Variants in NCKAP5 observed in about 807,000 individuals in gnomAD.
NCKAP5 encodes NCK associated protein 5, also known as nck-associated protein 5.
Under a neutral mutation model 167.0 loss-of-function variants are expected in NCKAP5, and 92 were observed. That is an observed-to-expected ratio of 0.55 (90% confidence interval 0.47 to 0.66). NCKAP5 has a LOEUF of 0.66. Among genes scored for constraint, NCKAP5 ranks in the 30% least tolerant of loss-of-function variants. The pLI, the probability that NCKAP5 is intolerant of heterozygous loss-of-function variation, is 0.00. For synonymous variants in NCKAP5, 891 were observed against 877.4 expected (o/e 1.02, Z -0.27); for missense variants, 2,378 against 2,315.0 (o/e 1.03, Z -0.56).
chr2:133,421,712 G>A (rs1374900490), intron 3 of NCKAP5, among the ~76,000 whole-genome samples: 1 of 152,186 alleles, frequency 6.6e-6, no homozygotes, highest in Non-Finnish European at 1.5e-5. Flanking sequence ...ACCTCAGCTG[G>A]GTCATCAGGA....
the NCKAP5 span, among the ~76,000 whole-genome samples, chr2:133,592,960 A>C: frequency 6.6e-6 from 1 of 152,214 alleles, no homozygotes; most frequent in African/African-American, 2.4e-5. Context: ...CAAAGTATAA[A>C]GTTATCTTTG....
the NCKAP5 span, among the ~76,000 whole-genome samples, chr2:133,590,120 G>GTCC: frequency 1.8e-4 from 28 of 152,264 alleles, 1 homozygote; most frequent in East Asian, 5.4e-3. Context: ...CCCAAGGAGT[G>GTCC]TCCACTTGGC....
At chr2:133,262,048 T>C (rs546733798) in intron 4 of NCKAP5, among the ~76,000 whole-genome samples, 5 of 152,332 alleles carry the variant, frequency 3.3e-5, no homozygotes, top group East Asian at 1.9e-4. Context: ...TAAAAGACCA[T>C]AGCTGCTAAC....
At chr2:132,964,249 C>A (rs148416273) in intron 7 of NCKAP5, among the ~76,000 whole-genome samples, 121 of 152,306 alleles carry the variant, frequency 7.9e-4, no homozygotes, top group African/African-American at 2.7e-3. Flanking sequence ...CATAGCTCCT[C>A]AAGATAGGGT....
At chr2:133,367,014 A>G (rs1685495567) in intron 3 of NCKAP5, among the ~76,000 whole-genome samples, 1 of 152,204 alleles carries the variant, frequency 6.6e-6, no homozygotes, top group Non-Finnish European at 1.5e-5. Context: ...ACTTTAAGAC[A>G]AGTAGTCTCA....
chr2:133,620,630 A>G, the NCKAP5 span, among the ~76,000 whole-genome samples: 8 of 152,102 alleles, frequency 5.3e-5, no homozygotes, highest in Non-Finnish European at 1.2e-4. Flanking sequence ...AACAATTACT[A>G]CTAGACCTAA....
intron 16 of NCKAP5, among the ~76,000 whole-genome samples, chr2:132,760,589 C>G (rs1357393476): frequency 6.6e-6 from 1 of 152,082 alleles, no homozygotes; most frequent in Non-Finnish European, 1.5e-5. Flanking sequence ...TTTTCTGACT[C>G]TCACTAATGA....
the NCKAP5 span, among the ~76,000 whole-genome samples, chr2:133,606,246 C>A: frequency 1.3e-5 from 2 of 152,082 alleles, no homozygotes; most frequent in East Asian, 3.8e-4. Flanking sequence ...TGATAAATAT[C>A]CCATATTATA....
At chr2:132,806,842 C>T (rs1297154426) in intron 11 of NCKAP5, among the ~76,000 whole-genome samples, 2 of 152,094 alleles carry the variant, frequency 1.3e-5, no homozygotes, top group African/African-American at 4.8e-5. Context: ...GAAATCCTTG[C>T]CTAAGCCAAT....
intron 6 of NCKAP5, among the ~76,000 whole-genome samples, chr2:133,049,504 C>A (rs1573867820): frequency 7.7e-6 from 1 of 129,926 alleles, no homozygotes; most frequent in Non-Finnish European, 1.5e-5. Context: ...GAGATCACAC[C>A]AATGCACTCA....
intron 16 of NCKAP5, among the ~76,000 whole-genome samples, chr2:132,766,913 G>A (rs1681545092): frequency 6.6e-6 from 1 of 152,138 alleles, no homozygotes; most frequent in South Asian, 2.1e-4. Flanking sequence ...CTGCAGATGG[G>A]CACATTACCA....
chr2:133,275,405 C>T (rs1246988943), intron 4 of NCKAP5, among the ~76,000 whole-genome samples: 1 of 152,078 alleles, frequency 6.6e-6, no homozygotes, highest in East Asian at 1.9e-4. Flanking sequence ...TACACACATA[C>T]ACACAACCAC....
At chr2:132,890,106 G>A (rs997492545) in intron 8 of NCKAP5, among the ~76,000 whole-genome samples, 2 of 152,220 alleles carry the variant, frequency 1.3e-5, no homozygotes, top group South Asian at 2.1e-4. Flanking sequence ...AGACAGGTCA[G>A]AATAAGATCA....
chr2:133,381,624 A>C (rs767654345), intron 3 of NCKAP5: 1 of 152,224 alleles, frequency 6.6e-6, no homozygotes, highest in Non-Finnish European at 1.5e-5. Context: ...CTTACACAGG[A>C]GGAAATACTG....
intron 4 of NCKAP5, among the ~76,000 whole-genome samples, chr2:133,241,217 G>A (rs1166120209): frequency 6.6e-6 from 1 of 152,180 alleles, no homozygotes; most frequent in African/African-American, 2.4e-5. Context: ...GAAATTGTTT[G>A]CTTTTAAATG....
At chr2:133,174,185 CT>C (rs1384340838) in intron 5 of NCKAP5, among the ~76,000 whole-genome samples, 6 of 152,066 alleles carry the variant, frequency 3.9e-5, no homozygotes, top group Admixed American at 6.5e-5. Flanking sequence ...CTTTTATGAC[CT>C]TGATAAAATA....
chr2:132,709,727 C>T (rs1185839585), intron 19 of NCKAP5, among the ~76,000 whole-genome samples: 1 of 151,996 alleles, frequency 6.6e-6, no homozygotes, highest in East Asian at 1.9e-4. Context: ...ACAAACAAAA[C>T]ATCAAACCCT....
intron 3 of NCKAP5, among the ~76,000 whole-genome samples, chr2:133,505,888 T>C (rs913111477): frequency 7.2e-5 from 11 of 152,236 alleles, no homozygotes; most frequent in Non-Finnish European, 1.5e-4. Context: ...GCTCTCGTCA[T>C]AACAATGTAT....
At chr2:132,842,668 TC>T (rs1225090701) in intron 11 of NCKAP5, among the ~76,000 whole-genome samples, 7 of 151,934 alleles carry the variant, frequency 4.6e-5, no homozygotes, top group African/African-American at 1.7e-4. Context: ...CACTTCAGCC[TC>T]CCAAGTAGCT....
Sources: allele counts gnomAD v4.1 joint callset (sites outside exome capture counted in the v4.1 genomes callset), GRCh38; gene constraint gnomAD v4.1.1; transcripts MANE v1.5; gene names NCBI Gene and HGNC (gene_info 2026-07-23, HGNC 2026-07-21).